ASIC2: variants seen among roughly 807,000 people sequenced by gnomAD.
ASIC2 encodes the protein acid-sensing ion channel 2.
A neutral mutation model predicts 57.3 loss-of-function variants in ASIC2; 25 were observed. The ratio of observed to expected loss-of-function variants is 0.44; its 90% CI spans 0.32 to 0.61. The LOEUF (loss-of-function observed/expected upper bound fraction) is 0.61. Among genes scored for constraint, ASIC2 ranks in the 20% least tolerant of loss-of-function variants. The probability of loss-of-function intolerance (pLI) is 0.06; values close to 1 mark genes in which losing one functional copy is unlikely to be tolerated. For missense variants in ASIC2, 641 were observed against 738.1 expected (o/e 0.87, Z 1.52); for synonymous variants, 319 against 307.5 (o/e 1.04, Z -0.39).
chr17:33,403,147 T>C (rs1230207906), intron 1 of ASIC2, among the ~76,000 whole-genome samples: 2 of 152,218 alleles, frequency 1.3e-5, no homozygotes, highest in Non-Finnish European at 2.9e-5. Flanking sequence ...CTAGTGACCA[T>C]GCAGGGCTCA....
At chr17:33,072,738 A>G (rs939703545) in intron 3 of ASIC2, among the ~76,000 whole-genome samples, 2 of 152,222 alleles carry the variant, frequency 1.3e-5, no homozygotes, top group African/African-American at 4.8e-5. Context: ...AACTATAACC[A>G]GGACCTCTGT....
At chr17:33,034,001 C>A (rs1278739291) in intron 3 of ASIC2, among the ~76,000 whole-genome samples, 1 of 152,076 alleles carries the variant, frequency 6.6e-6, no homozygotes, top group Non-Finnish European at 1.5e-5. Flanking sequence ...TGATCAGCTG[C>A]AGAGAGGTGT....
intron 1 of ASIC2, among the ~76,000 whole-genome samples, chr17:33,203,727 C>A (rs1184777609): frequency 6.6e-6 from 1 of 152,156 alleles, no homozygotes; most frequent in Non-Finnish European, 1.5e-5. Context: ...TACAGGCTCA[C>A]TCCTCAGGTC....
chr17:33,856,836 G>T (rs1913969354), intron 1 of ASIC2, among the ~76,000 whole-genome samples: 1 of 152,090 alleles, frequency 6.6e-6, no homozygotes, highest in Non-Finnish European at 1.5e-5. Context: ...TACAGATGGG[G>T]GTGTATGGGA....
In ASIC2 at chr17:33,291,469, T is replaced by C. The variant is rs1905442194; in HGVS notation, c.647A>G (p.Glu216Gly). The part of the protein sequence containing the change: ...AFMDRLGHQL[E>G]DMLLSCKYRG... Reference sequence around the variant, plus strand: ...GTACTTGCAGGAGAGCAGCATGTCCTCCAGCTGGTGGCCCAGGCGGTCCAT... The same window carrying C: ...GTACTTGCAGGAGAGCAGCATGTCCCCCAGCTGGTGGCCCAGGCGGTCCAT... The change falls in exon 1 of 10, where the codon GAG becomes GGG. Residue 216 changes from glutamate to glycine, a missense_variant. Coordinates refer to ENST00000225823, the MANE Select transcript of ASIC2 (RefSeq NM_183377.2). 6.2e-7 allele frequency: 1 copy of C among 1,612,294 alleles called. No individual in the cohort carries two copies. The highest frequency in any genetic ancestry group is 8.5e-7 in the Non-Finnish European group (1 of 1,179,652).
At chr17:33,242,966 C>T (rs1322092572) in intron 1 of ASIC2, among the ~76,000 whole-genome samples, 1 of 152,216 alleles carries the variant, frequency 6.6e-6, no homozygotes, top group Non-Finnish European at 1.5e-5. Flanking sequence ...ACTGGAGCAC[C>T]TGGCAGAAAT....
intron 1 of ASIC2, among the ~76,000 whole-genome samples, chr17:33,423,000 A>G (rs1013381891): frequency 6.6e-6 from 1 of 152,178 alleles, no homozygotes; most frequent in Non-Finnish European, 1.5e-5. Context: ...GCCACCAAGC[A>G]TCAGCCTGCC....
rs191350125 is a variant in ASIC2, at chr17:33,556,989, T to A, written c.556-444922A>T. On this transcript the variant is annotated intron_variant, in intron 1 of 9. Coordinates refer to the ASIC2 transcript ENST00000359872. ...TTCTTGCAATTAGCTCTTCCTGTTC[T>A]ATGCAAGAGCCCTTCTTGGACAGCT... Among the ~76,000 whole-genome samples the A allele has an allele frequency of 2.6e-5, 4 of 152,358 alleles. No homozygotes were observed. In the East Asian group the frequency reaches 7.7e-4, roughly 29 times the overall value.
At chr17:33,620,011 A>T (rs546661058) in intron 1 of ASIC2, among the ~76,000 whole-genome samples, 38 of 152,290 alleles carry the variant, frequency 2.5e-4, no homozygotes, top group Middle Eastern at 3.4e-3. Flanking sequence ...GCTGTAAATT[A>T]TGTGTCTCTC....
chr17:33,066,382 A>C (rs1256020922), intron 3 of ASIC2, among the ~76,000 whole-genome samples: 1 of 152,198 alleles, frequency 6.6e-6, no homozygotes. Context: ...CCTGGACCCC[A>C]TGACCCATCT....
chr17:33,790,400 A>G (rs919911107), intron 1 of ASIC2, among the ~76,000 whole-genome samples: 5 of 152,220 alleles, frequency 3.3e-5, no homozygotes, highest in African/African-American at 1.2e-4. Context: ...CCACCCAAAA[A>G]CATAGAAAAA....
At chr17:33,213,499 G>T (rs1597633007) in intron 1 of ASIC2, among the ~76,000 whole-genome samples, 1 of 152,304 alleles carries the variant, frequency 6.6e-6, no homozygotes, top group East Asian at 1.9e-4. Context: ...ATGAGACAAG[G>T]CCTGGGAGTG....
intron 1 of ASIC2, among the ~76,000 whole-genome samples, chr17:33,695,935 A>G (rs1453948189): frequency 6.6e-6 from 1 of 152,240 alleles, no homozygotes; most frequent in African/African-American, 2.4e-5. Context: ...TAATGTACGT[A>G]TTATTCTGGT....
intron 1 of ASIC2, among the ~76,000 whole-genome samples, chr17:33,518,393 CA>C (rs1230597047): frequency 6.6e-6 from 1 of 152,190 alleles, no homozygotes; most frequent in Non-Finnish European, 1.5e-5. Context: ...CATGATGTGG[CA>C]GGGGGCAAGG....
chr17:33,742,887 G>A (rs1910151738), intron 1 of ASIC2, among the ~76,000 whole-genome samples: 1 of 152,198 alleles, frequency 6.6e-6, no homozygotes, highest in African/African-American at 2.4e-5. Context: ...CTCTGGGCCT[G>A]GCCGAGATAA....
chr17:33,430,798 G>A (rs1025356303), intron 1 of ASIC2, among the ~76,000 whole-genome samples: 7 of 152,146 alleles, frequency 4.6e-5, no homozygotes, highest in African/African-American at 1.7e-4. Context: ...TTAGATGAAG[G>A]CAGTATGGTT....
At chr17:33,339,305 G>A (rs1907639830) in intron 1 of ASIC2, among the ~76,000 whole-genome samples, 1 of 152,112 alleles carries the variant, frequency 6.6e-6, no homozygotes, top group South Asian at 2.1e-4. Context: ...AGGTCTGGGG[G>A]CAGCAAACTT....
chr17:33,323,628 C>T (rs1906955022), intron 1 of ASIC2, among the ~76,000 whole-genome samples: 1 of 152,138 alleles, frequency 6.6e-6, no homozygotes, highest in Non-Finnish European at 1.5e-5. Context: ...GCAGGAGAAT[C>T]ACTTGAACCT....
At chr17:33,899,048 A>G (rs1915173435) in intron 1 of ASIC2, among the ~76,000 whole-genome samples, 1 of 152,086 alleles carries the variant, frequency 6.6e-6, no homozygotes, top group African/African-American at 2.4e-5. Flanking sequence ...AATCTGAGTT[A>G]AAGCTCTAAA....
Sources: allele counts gnomAD v4.1 joint callset (sites outside exome capture counted in the v4.1 genomes callset), GRCh38; gene constraint gnomAD v4.1.1; transcripts MANE v1.5; gene names NCBI Gene and HGNC (gene_info 2026-07-23, HGNC 2026-07-21).